Variants in ZPR1 observed in about 807,000 individuals in gnomAD.
ZPR1 encodes the protein ZPR1 zinc finger.
Under a neutral mutation model 59.6 loss-of-function variants are expected in ZPR1, and 37 were observed. The ratio of observed to expected loss-of-function variants is 0.62; its 90% CI spans 0.48 to 0.82. The LOEUF is 0.82. Ranked by LOEUF, ZPR1 falls within the 40% of genes least tolerant of loss-of-function variation. ZPR1 has a pLI of 0.00. For missense variants in ZPR1, 527 were observed against 579.9 expected (o/e 0.91, Z 0.94); for synonymous variants, 191 against 215.2 (o/e 0.89, Z 0.99).
At position 116,773,808 on chromosome 11, in the gene ZPR1, GA is replaced by G. The variant is rs887430371; in HGVS notation, c.*5116del. The G allele has an allele frequency of 1.3e-5, 2 of 152,160 alleles. No individual in the cohort carries two copies. The highest frequency in any genetic ancestry group is 2.4e-5 in the African/African-American group (1 of 41,430). The allele number at this position is 152,160 out of a possible 1,614,324, so 9.4% of individuals were successfully genotyped here. On this transcript the variant is annotated 3_prime_UTR_variant, in exon 14 of 14. Transcript: ENST00000227322. ...AATTCTAACACTCAAGTTTTGGGGG[GA>G]AAGAAAAGACTTTATTCTTTGCAGG...
Position 116,776,571 on chromosome 11 carries a change from C to T in ZPR1, c.*2354G>A, listed in dbSNP as rs1009366867. On this transcript the variant is annotated 3_prime_UTR_variant, in exon 14 of 14. Coordinates refer to ENST00000227322, the MANE Select transcript of ZPR1 (RefSeq NM_003904.5). ...GGTATGAAACTGAAGAATGCCTTGT[C>T]ATCAAAGGGCAGGAAGTACCTTAGC... 1 of 152,236 alleles carries T rather than the reference C, an allele frequency of 6.6e-6. No individual in the cohort carries two copies. Among genetic ancestry groups the T allele is most frequent in the Non-Finnish European group, 1.5e-5 (1 of 68,052 alleles). 9.4% of individuals were successfully genotyped at this position (152,236 alleles called of 1,614,324 possible).
Position 116,776,620 on chromosome 11 carries a change from G to C in ZPR1, c.*2305C>G, listed in dbSNP as rs1234659616. The stretch of plus-strand genomic sequence containing the variant: ...GCTGGGTTATCCCAGTCTGGCACCT[G>C]GTCCTCAGTCTTCAAGTTCAGAAAC... On this transcript the variant is annotated 3_prime_UTR_variant, in exon 14 of 14. Coordinates refer to ENST00000227322, the MANE Select transcript of ZPR1 (RefSeq NM_003904.5). 6.6e-6 allele frequency: 1 copy of C among 152,202 alleles called. No homozygotes were observed. The highest frequency in any genetic ancestry group is 2.4e-5 in the African/African-American group (1 of 41,424). 9.4% of individuals were successfully genotyped at this position (152,202 alleles called of 1,614,324 possible).
At chr11:116,785,201 A>G (rs1940865725) in intron 6 of ZPR1, 55 bp from the exon 7 acceptor site, 2 of 1,594,866 alleles carry the variant, frequency 1.3e-6, no homozygotes, top group Non-Finnish European at 1.7e-6. Context: ...AGTGTCCCCA[A>G]CACCCTGCCC....
intron 12 of ZPR1, among the ~76,000 whole-genome samples, chr11:116,781,750 C>G (rs993458137): frequency 6.6e-6 from 1 of 152,154 alleles, no homozygotes; most frequent in East Asian, 1.9e-4. Context: ...CGGTGGCTCA[C>G]GCCTGTAATC....
At chr11:116,781,442 ACTT>A (rs757892209) in intron 12 of ZPR1, among the ~76,000 whole-genome samples, 13 of 152,240 alleles carry the variant, frequency 8.5e-5, no homozygotes, top group Non-Finnish European at 1.9e-4. Context: ...ATGGCTTCAG[ACTT>A]CTCAATAGCC....
Position 116,787,938 on chromosome 11 carries a change from G to T in ZPR1, c.53C>A (p.Pro18Gln), listed in dbSNP as rs201399491. The T allele has an allele frequency of 4.1e-6, 6 of 1,478,188 alleles. No individual in the cohort carries two copies. Among genetic ancestry groups the T allele is most frequent in the African/African-American group, 2.9e-5 (2 of 67,974 alleles). The allele number at this position is 1,478,188 out of a possible 1,614,324, so 91.6% of individuals were successfully genotyped here. A position where few individuals can be genotyped will look rare whatever the true frequency, so the allele number is the denominator to read the frequency against. Residue 18 changes from proline (P) to glutamine (Q), a missense_variant, in exon 1 of 14, where the codon CCG becomes CAG. Physicochemically the swap from Pro to Gln is moderately conservative, Grantham distance 76. Transcript: ENST00000227322. ...AGGCGGCGGGGCCGGGGCGGGCGACGGGGCGACGGCAGCCCCCGGGGGCCC... is the reference window on the plus strand; with the variant it reads ...AGGCGGCGGGGCCGGGGCGGGCGACTGGGCGACGGCAGCCCCCGGGGGCCC... Reference protein sequence around the residue: ...EPGPPGAAVAPSPAPAPPPAP... With the variant: ...EPGPPGAAVAQSPAPAPPPAP...
At position 116,779,747 on chromosome 11, in the gene ZPR1, AAACAT is replaced by A. The variant is rs1215396923; in HGVS notation, c.1245+20_1245+24del. 1 of 1,550,948 alleles carries A rather than the reference AAACAT, an allele frequency of 6.4e-7. No individual in the cohort carries two copies. The highest frequency in any genetic ancestry group is 8.9e-7 in the Non-Finnish European group (1 of 1,128,486). On this transcript the variant is annotated intron_variant, in intron 13 of 13. Transcript: ENST00000227322. ...GAAGATCAGAAAATGTATCTCTATG[AAACAT>A]CAGGGAAGGTCTACTATACCTGCAA...
Position 116,787,512 on chromosome 11 carries a change from C to T in ZPR1, c.303G>A (p.Val101=). ...QSAGRIQDQG[V]RYTLSVRALE... ...GAGCCCTGACAGACAAAGTGTAGCG[C>T]ACTCCCTGGTCCTGGATCCTGCCTG... Residue 101 remains valine, a synonymous_variant, in exon 2 of 14, where the codon GTG becomes GTA. Transcript: ENST00000227322. 1.9e-6 allele frequency: 3 copies of T among 1,614,156 alleles called. No homozygotes were observed. In the South Asian group the frequency reaches 3.3e-5, roughly 18 times the overall value.
intron 9 of ZPR1, 103 bp from the exon 10 acceptor site, chr11:116,783,722 T>C: frequency 1.2e-6 from 1 of 833,106 alleles, no homozygotes; most frequent in Non-Finnish European, 2.0e-6. Flanking sequence ...GTTAGGGCCA[T>C]TAATAGCTAC....
intron 2 of ZPR1, 138 bp from the exon 3 acceptor site, chr11:116,787,197 C>T: frequency 1.3e-6 from 1 of 796,580 alleles, no homozygotes; most frequent in South Asian, 1.6e-5. Context: ...CCAGACTGCT[C>T]CTTTCGAATA....
Position 116,782,220 on chromosome 11 carries a change from C to G in ZPR1, c.1117G>C (p.Gly373Arg), listed in dbSNP as rs1940818387. ...ELVTKNPFTL[G>R]DSSNPGQTER... is the part of the protein sequence containing the mutation. ...GTCTGTCCAGGATTGGAACTGTCGC[C>G]CAGTGTGAAAGGATTTTTGGTCACC... The change falls in exon 12 of 14, where the codon GGC becomes CGC. Residue 373 changes from glycine to arginine, a missense_variant. Gly to Arg is a moderately radical substitution (Grantham distance 125, BLOSUM62 -2). Coordinates refer to ENST00000227322, the MANE Select transcript of ZPR1 (RefSeq NM_003904.5). The G allele has an allele frequency of 6.2e-7, 1 of 1,613,856 alleles. No individual in the cohort carries two copies. The highest frequency in any genetic ancestry group is 2.2e-5 in the East Asian group (1 of 44,874).
chr11:116,786,874 C>A, intron 3 of ZPR1, 95 bp downstream of exon 3: 1 of 1,019,720 alleles, frequency 9.8e-7, no homozygotes, highest in Non-Finnish European at 1.5e-6. Flanking sequence ...AACCCATACA[C>A]AAACCACTAG....
At position 116,787,867 on chromosome 11, in the gene ZPR1, GCT is replaced by G; in HGVS notation, c.122_123del (p.Glu41AlafsTer80). 1 of 1,534,110 alleles carries G rather than the reference GCT, an allele frequency of 6.5e-7. No individual in the cohort carries two copies. Among genetic ancestry groups the G allele is most frequent in the Non-Finnish European group, 8.8e-7 (1 of 1,141,408 alleles). ...AGCGACTCGATCTCGGTGGGCTGCT[GCT>G]CCTCGTCCTCGGCGCTGATGGGCCG... ...LFRPISAEDEEQQPTEIESLC... is the reference protein window; with the variant it reads ...LFRPISAEDEXQQPTEIESLC... On this transcript the variant is annotated frameshift_variant, in exon 1 of 14. Transcript: ENST00000227322. LOFTEE classifies it high-confidence loss of function.
At position 116,777,218 on chromosome 11, in the gene ZPR1, TAAG is replaced by T. The variant is rs1195747547; in HGVS notation, c.*1704_*1706del. 1 of 152,152 alleles carries T rather than the reference TAAG, an allele frequency of 6.6e-6. No individual in the cohort carries two copies. Among genetic ancestry groups the T allele is most frequent in the Non-Finnish European group, 1.5e-5 (1 of 68,020 alleles). 9.4% of individuals were successfully genotyped at this position (152,152 alleles called of 1,614,324 possible). On this transcript the variant is annotated 3_prime_UTR_variant, in exon 14 of 14. Transcript: ENST00000227322. Reference sequence around the variant, plus strand: ...GTATCTCGAGAGCCAAAAGAAGGGTTAAGAAGAGATGGTCCACTATCAAATGTG... The same window carrying T: ...GTATCTCGAGAGCCAAAAGAAGGGTTAAGAGATGGTCCACTATCAAATGTG...
rs1940764313 is a variant in ZPR1, at chr11:116,779,056, C to T, written c.1249G>A (p.Val417Met). The T allele has an allele frequency of 6.2e-7, 1 of 1,614,080 alleles. No individual in the cohort carries two copies. Among genetic ancestry groups the T allele is most frequent in the Admixed American group, 1.7e-5 (1 of 60,028 alleles). Residue 417 changes from valine (V) to methionine (M), a missense_variant, in exon 14 of 14, where the codon GTG (valine) becomes ATG (methionine). Coordinates refer to ENST00000227322, the MANE Select transcript of ZPR1 (RefSeq NM_003904.5). ...TCAGGATCATCTTCAGGCGCATACACATTCTGCAAGGTCAAGGAGAGACAA... is the reference window on the plus strand; with the variant it reads ...TCAGGATCATCTTCAGGCGCATACATATTCTGCAAGGTCAAGGAGAGACAA... Reference protein sequence around the residue: ...DPAGNSYLQNVYAPEDDPEMK... With the variant: ...DPAGNSYLQNMYAPEDDPEMK...
intron 6 of ZPR1, 36 bp from the exon 7 acceptor site, chr11:116,785,182 G>A (rs374399651): frequency 2.4e-5 from 38 of 1,611,522 alleles, no homozygotes; most frequent in Non-Finnish European, 3.1e-5. Flanking sequence ...AAGTTGGCAG[G>A]TATACCTCAG....
intron 13 of ZPR1, 41 bp downstream of exon 13, chr11:116,779,731 A>C (rs1490597761): frequency 7.0e-7 from 1 of 1,432,788 alleles, no homozygotes; most frequent in Non-Finnish European, 9.7e-7. Context: ...GGAAGATCAG[A>C]AAATGTATCT....
At position 116,779,849 on chromosome 11, in the gene ZPR1, A is replaced by C. The variant is rs368846554; in HGVS notation, c.1180-12T>G. 1.3e-6 allele frequency: 2 copies of C among 1,560,938 alleles called. No homozygotes were observed. Among genetic ancestry groups the C allele is most frequent in the Non-Finnish European group, 1.7e-6 (2 of 1,148,638 alleles). ...TTACCTTCGATGATCTAAAGGAGAG[A>C]GAGAACACAGCAAGTAAATTTTACA... On this transcript the variant is annotated splice_polypyrimidine_tract_variant and intron_variant, in intron 12 of 13. Transcript: ENST00000227322.
Position 116,779,052 on chromosome 11 carries a change from T to C in ZPR1, c.1253A>G (p.Tyr418Cys), listed in dbSNP as rs376498246. The change falls in exon 14 of 14, where the codon TAT (tyrosine) becomes TGT (cysteine). Residue 418 changes from tyrosine (Y) to cysteine (C), a missense_variant. Physicochemically the swap from Tyr to Cys is radical, Grantham distance 194. Coordinates refer to ENST00000227322, the MANE Select transcript of ZPR1 (RefSeq NM_003904.5). ...PAGNSYLQNV[Y>C]APEDDPEMKV... The stretch of plus-strand genomic sequence containing the variant: ...CATCTCAGGATCATCTTCAGGCGCA[T>C]ACACATTCTGCAAGGTCAAGGAGAG... The C allele has an allele frequency of 3.1e-6, 5 of 1,614,154 alleles. No homozygotes were observed. The highest frequency in any genetic ancestry group is 2.2e-5 in the East Asian group (1 of 44,884).
Sources: gnomAD v4.1 joint callset for allele counts (sites outside exome capture counted in the v4.1 genomes callset) on GRCh38, gnomAD v4.1.1 for gene constraint, MANE v1.5 for transcripts, NCBI Gene and HGNC (gene_info 2026-07-23, HGNC 2026-07-21) for gene names.